The following XRCC5 variants were observed in gnomAD, a reference collection of about 807,000 sequenced individuals.
XRCC5 encodes the protein DNA repair protein Ku80.
In XRCC5, 12 loss-of-function variants were observed where a neutral mutation model predicts 95.7. The ratio of observed to expected loss-of-function variants is 0.13; its 90% CI spans 0.08 to 0.20. The LOEUF (loss-of-function observed/expected upper bound fraction) is 0.20, where lower values mean the gene tolerates loss of function less well. XRCC5 is among the 10% of genes least tolerant of loss of function. The pLI is 1.00. For missense variants in XRCC5, 595 were observed against 873.9 expected, an observed-to-expected ratio of 0.68 and a Z score of 4.02; for synonymous variants, 281 against 290.3, an observed-to-expected ratio of 0.97 and a Z score of 0.33.
rs1209725602 is a variant in XRCC5, at chr2:216,138,217, C to T, written c.1342+38C>T. On this transcript the variant is annotated intron_variant, in intron 12 of 20. Coordinates refer to ENST00000392132, the MANE Select transcript of XRCC5 (RefSeq NM_021141.4). ...TCATTTAGATCACTCATTGACTACA[C>T]ACACTGTTCTTGGGAAATCACCTGT... 3.2e-6 allele frequency: 5 copies of T among 1,561,612 alleles called. No homozygotes were observed. The Admixed American group carries it at 8.4e-5, about 26-fold the overall frequency.
chr2:216,190,675 A>G (rs1458462274), intron 17 of XRCC5, among the ~76,000 whole-genome samples: 1 of 152,134 alleles, frequency 6.6e-6, no homozygotes. Flanking sequence ...AGGATGGGCT[A>G]TTTTAGGGAA....
At chr2:216,192,277 A>G (rs1307434636) in intron 17 of XRCC5, among the ~76,000 whole-genome samples, 1 of 152,210 alleles carries the variant, frequency 6.6e-6, no homozygotes, top group Non-Finnish European at 1.5e-5. Flanking sequence ...TACAGGCATG[A>G]GTCAACATGC....
chr2:216,156,093 A>G (rs1242187434), intron 14 of XRCC5, among the ~76,000 whole-genome samples: 2 of 152,374 alleles, frequency 1.3e-5, no homozygotes, highest in South Asian at 4.1e-4. Context: ...TTGTGTTGAT[A>G]ACACTAATCT....
chr2:216,121,011 C>T (rs1424042705), intron 5 of XRCC5, among the ~76,000 whole-genome samples: 1 of 152,246 alleles, frequency 6.6e-6, no homozygotes, highest in African/African-American at 2.4e-5. Context: ...GCTGGGATTA[C>T]AGGCGTGAGC....
At chr2:216,175,410 CCTGCAGA>C in intron 16 of XRCC5, 4 of 517,976 alleles carry the variant, frequency 7.7e-6, no homozygotes, top group South Asian at 5.6e-5. Flanking sequence ...CCTCTGTGAT[CCTGCAGA>C]CTGCATCTCT....
chr2:216,116,525 A>G, intron 2 of XRCC5, 134 bp from the exon 3 acceptor site: 3 of 907,822 alleles, frequency 3.3e-6, no homozygotes, highest in Non-Finnish European at 5.2e-6. Context: ...CTCATGTTTC[A>G]TCCCGCCCAA....
chr2:216,151,055 A>G (rs1574467536), intron 14 of XRCC5, among the ~76,000 whole-genome samples: 1 of 152,164 alleles, frequency 6.6e-6, no homozygotes, highest in African/African-American at 2.4e-5. Flanking sequence ...TGGCCCAGGA[A>G]TGTATTTGGA....
chr2:216,110,280 G>C (rs529510510), intron 1 of XRCC5, among the ~76,000 whole-genome samples: 1 of 151,978 alleles, frequency 6.6e-6, no homozygotes, highest in Non-Finnish European at 1.5e-5. Context: ...AGTGGTAGTT[G>C]TCTCTGAAGG....
At chr2:216,178,253 A>G (rs1232669345) in intron 16 of XRCC5, among the ~76,000 whole-genome samples, 2 of 152,352 alleles carry the variant, frequency 1.3e-5, no homozygotes, top group Non-Finnish European at 2.9e-5. Context: ...GGCTTCCATT[A>G]AAAATAAGCA....
chr2:216,155,927 T>C (rs1188858787), intron 14 of XRCC5, among the ~76,000 whole-genome samples: 1 of 152,180 alleles, frequency 6.6e-6, no homozygotes, highest in Admixed American at 6.5e-5. Flanking sequence ...GATAATGTGC[T>C]AAGAAGTCAT....
intron 16 of XRCC5, among the ~76,000 whole-genome samples, chr2:216,166,019 G>T (rs1167443500): frequency 6.6e-6 from 1 of 152,132 alleles, no homozygotes; most frequent in Non-Finnish European, 1.5e-5. Flanking sequence ...TGAACCCCAG[G>T]AAGCATGTTC....
intron 17 of XRCC5, among the ~76,000 whole-genome samples, chr2:216,190,925 G>A (rs751012461): frequency 6.6e-6 from 1 of 152,162 alleles, no homozygotes; most frequent in Non-Finnish European, 1.5e-5. Flanking sequence ...AAATTAGAAA[G>A]CATATTTTTT....
chr2:216,175,514 A>T (rs1689255740), intron 16 of XRCC5: 1 of 458,664 alleles, frequency 2.2e-6, no homozygotes, highest in Non-Finnish European at 4.3e-6. Context: ...TTGTATCATG[A>T]TCATCAAAAG....
intron 1 of XRCC5, among the ~76,000 whole-genome samples, chr2:216,112,730 A>G (rs1696611011): frequency 1.3e-5 from 2 of 152,202 alleles, no homozygotes; most frequent in Non-Finnish European, 2.9e-5. Context: ...ATATGTACTC[A>G]TCATGGGTTT....
chr2:216,114,865 C>T (rs1451272987), intron 2 of XRCC5, among the ~76,000 whole-genome samples: 4 of 152,198 alleles, frequency 2.6e-5, no homozygotes, highest in Non-Finnish European at 4.4e-5. Flanking sequence ...TGAGCATGCG[C>T]ATGACTAGTA....
rs766777475 is a variant in XRCC5 at position 216,116,736 on chromosome 2, G to A, written c.213G>A (p.Gly71=). 1.9e-6 allele frequency: 3 copies of A among 1,614,012 alleles called. No individual in the cohort carries two copies. Among genetic ancestry groups the A allele is most frequent in the Non-Finnish European group, 1.7e-6 (2 of 1,180,034 alleles). ...GCACTGACAATCCCCTTTCTGGTGG[G>A]GATCAGTATCAGAACATCACAGTGC... ...TDGTDNPLSG[G]DQYQNITVHR... is the part of the protein sequence containing the mutation. Residue 71 remains glycine, a synonymous_variant, in exon 3 of 21, where the codon GGG becomes GGA. Transcript: ENST00000392132.
At chr2:216,198,533 TTTTATTTATTTATTTATTTA>T (rs3080564) in intron 19 of XRCC5, among the ~76,000 whole-genome samples, 3 of 147,774 alleles carry the variant, frequency 2.0e-5, no homozygotes, top group African/African-American at 5.0e-5. Flanking sequence ...TGAAAAATGC[TTTTATTTATTTATTTATTTA>T]TTTATTTATT....
chr2:216,156,652 G>A (rs1688848371), intron 14 of XRCC5: 1 of 552,746 alleles, frequency 1.8e-6, no homozygotes, highest in Non-Finnish European at 3.6e-6. Flanking sequence ...GACCCCAAAT[G>A]CAAGAGCTTC....
chr2:216,205,102 C>T, intron 20 of XRCC5, 86 bp from the exon 21 acceptor site: 1 of 1,530,076 alleles, frequency 6.5e-7, no homozygotes, highest in Non-Finnish European at 9.1e-7. Context: ...AATGTAGAGT[C>T]ATTTTCATTA....
Sources: allele counts gnomAD v4.1 joint callset (sites outside exome capture counted in the v4.1 genomes callset), GRCh38; gene constraint gnomAD v4.1.1; transcripts MANE v1.5; gene names NCBI Gene and HGNC (gene_info 2026-07-23, HGNC 2026-07-21).